Variants in SNTG1 observed in about 807,000 individuals in gnomAD.
The protein encoded by SNTG1 is gamma-1-syntrophin.
SNTG1 carries 39 observed loss-of-function variants against 74.7 expected under a neutral mutation model. That is an observed-to-expected ratio of 0.52 (90% CI 0.40 to 0.68). The LOEUF is 0.68. SNTG1 is among the 30% of genes least tolerant of loss of function. The pLI is 0.00. For synonymous variants in SNTG1, 254 were observed against 217.1 expected (o/e 1.17, Z -1.49); for missense variants, 685 against 609.5 (o/e 1.12, Z -1.30).
intron 2 of SNTG1, among the ~76,000 whole-genome samples, chr8:50,234,424 A>T (rs2085789334): frequency 6.6e-6 from 1 of 151,910 alleles, no homozygotes; most frequent in South Asian, 2.1e-4. Context: ...AGTTGTGGTC[A>T]TGGAATAGTT....
rs2092390643 is a variant in SNTG1 at position 50,376,730 on chromosome 8, TA to T, written c.-27-17481del. On this transcript the variant is annotated intron_variant, in intron 2 of 18. Coordinates refer to ENST00000642720, the MANE Select transcript of SNTG1 (RefSeq NM_018967.5). ...TATTATATATTTAATATTAATAAAT[TA>T]TATATATATATATATATATATATAT... is the stretch of plus-strand genomic sequence containing the variant. Among the ~76,000 whole-genome samples the T allele has an allele frequency of 3.3e-4, 7 of 21,076 alleles. No individual in the cohort carries two copies. The Admixed American group carries it at 4.3e-3, about 13-fold the overall frequency. The allele number at this position is 21,076 out of a possible 152,430, so 13.8% of individuals were successfully genotyped here. A position where few individuals can be genotyped will look rare whatever the true frequency, so the allele number is the denominator to read the frequency against.
At chr8:50,635,752 G>A (rs2095035009) in intron 13 of SNTG1, among the ~76,000 whole-genome samples, 2 of 152,152 alleles carry the variant, frequency 1.3e-5, no homozygotes, top group African/African-American at 4.8e-5. Context: ...CCTATAATCA[G>A]AGATCCCATG....
intron 2 of SNTG1, among the ~76,000 whole-genome samples, chr8:50,339,518 T>G (rs2091256240): frequency 6.6e-6 from 1 of 152,014 alleles, no homozygotes. Context: ...AAGGTGAGGT[T>G]TTGAATATTC....
At chr8:50,749,935 G>A (rs900394043) in intron 17 of SNTG1, among the ~76,000 whole-genome samples, 2 of 151,938 alleles carry the variant, frequency 1.3e-5, no homozygotes, top group Admixed American at 6.6e-5. Flanking sequence ...GAGTATTTTC[G>A]ACTTTCAAGT....
At chr8:50,238,240 T>A (rs1029562216) in intron 2 of SNTG1, among the ~76,000 whole-genome samples, 9 of 152,136 alleles carry the variant, frequency 5.9e-5, no homozygotes, top group African/African-American at 2.2e-4. Context: ...GACTTATAAC[T>A]ATACTACAAG....
intron 2 of SNTG1, among the ~76,000 whole-genome samples, chr8:50,197,018 CAG>C (rs774960357): frequency 4.0e-5 from 6 of 151,710 alleles, no homozygotes; most frequent in Non-Finnish European, 7.4e-5. Context: ...AAGTAGCATA[CAG>C]AGAGAGAAAG....
In SNTG1 at chr8:50,763,901, AC is replaced by A. The variant is rs1563817650; in HGVS notation, c.1395+11791del. Among the ~76,000 whole-genome samples, 111 of 119,968 alleles carry A rather than the reference AC, an allele frequency of 9.3e-4. 1 individual carries two copies. The highest frequency in any genetic ancestry group is 8.4e-3 in the East Asian group (34 of 4,052). 78.7% of individuals were successfully genotyped at this position (119,968 alleles called of 152,430 possible). On this transcript the variant is annotated intron_variant, in intron 18 of 18. Transcript: ENST00000642720. ...CACACACACACACACACACACACAC[AC>A]ACACAAAAATAACCAAGGCAATTCC...
intron 1 of SNTG1, among the ~76,000 whole-genome samples, chr8:50,002,285 T>G (rs898822161): frequency 6.6e-6 from 1 of 152,282 alleles, no homozygotes; most frequent in Admixed American, 6.5e-5. Context: ...TAGTCCACTG[T>G]ATTTTTTTCT....
chr8:50,720,695 GTTTACGGTTATTGCTGGAC>G (rs1489743330), intron 17 of SNTG1, among the ~76,000 whole-genome samples: 1 of 152,154 alleles, frequency 6.6e-6, no homozygotes. Flanking sequence ...TAAAAGGTAT[GTTTACGGTTATTGCTGGAC>G]ACTCATGAGT....
At chr8:50,037,776 A>C (rs919683089) in intron 1 of SNTG1, among the ~76,000 whole-genome samples, 2 of 152,238 alleles carry the variant, frequency 1.3e-5, no homozygotes, top group Non-Finnish European at 2.9e-5. Context: ...GGGTAAATTT[A>C]TATAATAGCA....
chr8:50,171,833 G>T (rs148737324), intron 1 of SNTG1, among the ~76,000 whole-genome samples: 35 of 152,270 alleles, frequency 2.3e-4, no homozygotes, highest in East Asian at 9.7e-4. Context: ...ATAAGCTACA[G>T]AAGCAATGCT....
At chr8:50,586,538 G>A (rs1051636999) in intron 12 of SNTG1, among the ~76,000 whole-genome samples, 2 of 151,838 alleles carry the variant, frequency 1.3e-5, no homozygotes, top group Admixed American at 6.6e-5. Flanking sequence ...TCTCTGCATG[G>A]GATCTTTCAT....
chr8:50,736,611 A>C (rs1011583611), intron 17 of SNTG1, among the ~76,000 whole-genome samples: 2 of 152,124 alleles, frequency 1.3e-5, no homozygotes, highest in African/African-American at 4.8e-5. Context: ...ACCCCAAATC[A>C]ACAGAAGATA....
At chr8:50,064,163 A>G (rs1366739309) in intron 1 of SNTG1, among the ~76,000 whole-genome samples, 1 of 152,238 alleles carries the variant, frequency 6.6e-6, no homozygotes, top group Non-Finnish European at 1.5e-5. Context: ...AACTCAATAC[A>G]TGTTAGCTAT....
intron 1 of SNTG1, among the ~76,000 whole-genome samples, chr8:49,999,697 A>T (rs984273731): frequency 7.2e-5 from 11 of 151,898 alleles, no homozygotes; most frequent in South Asian, 2.1e-4. Flanking sequence ...CTCTGATGTC[A>T]CCTTCACTGC....
At chr8:50,329,495 T>C (rs968454103) in intron 2 of SNTG1, among the ~76,000 whole-genome samples, 11 of 152,100 alleles carry the variant, frequency 7.2e-5, no homozygotes, top group Non-Finnish European at 2.9e-5. Flanking sequence ...AAACACCACG[T>C]AGAAGCTTCC....
intron 1 of SNTG1, among the ~76,000 whole-genome samples, chr8:49,926,805 G>A (rs1176414281): frequency 6.6e-6 from 1 of 152,052 alleles, no homozygotes; most frequent in Non-Finnish European, 1.5e-5. Context: ...AAGAAGACAA[G>A]CTATGGAAAA....
At position 50,165,913 on chromosome 8, in the gene SNTG1, C is replaced by G. The variant is rs545173073; in HGVS notation, c.-102-6648C>G. ...AACCAAAACAGCATGGTACTGGTAC[C>G]AAAACAGAGATATAGATCAATGGAA... On this transcript the variant is annotated intron_variant, in intron 1 of 18. Transcript: ENST00000642720. 1.1e-4 allele frequency among the ~76,000 whole-genome samples: 16 copies of G among 150,616 alleles called. No individual in the cohort carries two copies. In the East Asian group the frequency reaches 2.0e-3, roughly 19 times the overall value.
At chr8:49,956,638 C>A (rs318888) in intron 1 of SNTG1, among the ~76,000 whole-genome samples, 133,471 of 152,184 alleles carry the variant, frequency 0.88, 58,779 homozygotes, top group East Asian at 1. Flanking sequence ...CAGTTTTCTA[C>A]CTGGATTATA....
Sources: gnomAD v4.1 joint callset for allele counts (sites outside exome capture counted in the v4.1 genomes callset) on GRCh38, gnomAD v4.1.1 for gene constraint, MANE v1.5 for transcripts, NCBI Gene and HGNC (gene_info 2026-07-23, HGNC 2026-07-21) for gene names.